Variants in PRKG1 observed in about 807,000 individuals in gnomAD.
PRKG1 encodes the protein cGMP-dependent protein kinase 1.
A neutral mutation model predicts 88.1 loss-of-function variants in PRKG1; 35 were observed. The observed-to-expected ratio is 0.40, with a 90% CI of 0.30 to 0.53. The LOEUF is 0.53. Ranked by LOEUF, PRKG1 falls within the 20% of genes least tolerant of loss-of-function variation. PRKG1 has a pLI of 0.59. For synonymous variants in PRKG1, 303 were observed against 292.5 expected, an observed-to-expected ratio of 1.04 and a Z score of -0.37; for missense variants, 540 against 839.8, an observed-to-expected ratio of 0.64 and a Z score of 4.41.
Position 51,838,068 on chromosome 10 carries a change from C to G in PRKG1, c.698+33378C>G, listed in dbSNP as rs1479443769. Among the ~76,000 whole-genome samples the G allele has an allele frequency of 9.9e-5, 15 of 152,034 alleles. 1 individual carries two copies. Among genetic ancestry groups the G allele is most frequent in the Admixed American group, 9.8e-4 (15 of 15,246 alleles). Reference sequence around the variant, plus strand: ...CTTAACTTGCAACTCTCTTTGTGATCCATATCAATACAATTCATTAAAAAA... The same window carrying G: ...CTTAACTTGCAACTCTCTTTGTGATGCATATCAATACAATTCATTAAAAAA... On this transcript the variant is annotated intron_variant, in intron 4 of 17. Transcript: ENST00000373980.
chr10:52,222,919 C>G (rs554514615), intron 9 of PRKG1, among the ~76,000 whole-genome samples: 53 of 152,252 alleles, frequency 3.5e-4, no homozygotes, highest in African/African-American at 1.3e-3. Flanking sequence ...ATAGGCTAAC[C>G]CAGTTTGTCA....
intron 1 of PRKG1, among the ~76,000 whole-genome samples, chr10:51,144,845 A>G (rs911642903): frequency 6.6e-6 from 1 of 152,182 alleles, no homozygotes; most frequent in Non-Finnish European, 1.5e-5. Context: ...AAGTGAATTG[A>G]GTAAAGTAGC....
chr10:51,760,434 C>A (rs1018021373), intron 3 of PRKG1, among the ~76,000 whole-genome samples: 1 of 151,762 alleles, frequency 6.6e-6, no homozygotes, highest in Non-Finnish European at 1.5e-5. Context: ...TTCCCTGTGA[C>A]CACTTATTCA....
intron 2 of PRKG1, among the ~76,000 whole-genome samples, chr10:51,170,122 A>G (rs1846663180): frequency 6.6e-6 from 1 of 151,990 alleles, no homozygotes; most frequent in South Asian, 2.1e-4. Context: ...CTATAAGCAC[A>G]CTGGTCAGAT....
At chr10:51,085,950 A>T (rs537665312) in intron 1 of PRKG1, among the ~76,000 whole-genome samples, 1 of 152,310 alleles carries the variant, frequency 6.6e-6, no homozygotes, top group Admixed American at 6.5e-5. Flanking sequence ...CTTCTTCAAA[A>T]TTTTACTTCG....
chr10:52,244,731 C>T (rs933561678), intron 9 of PRKG1, among the ~76,000 whole-genome samples: 1 of 77,676 alleles, frequency 1.3e-5, no homozygotes, highest in East Asian at 4.5e-4. Context: ...AAAATATATA[C>T]TTTAATATAT....
chr10:51,733,527 A>C (rs1837174498), intron 3 of PRKG1, among the ~76,000 whole-genome samples: 1 of 152,184 alleles, frequency 6.6e-6, no homozygotes, highest in Non-Finnish European at 1.5e-5. Context: ...TCTCTATATA[A>C]GATGGAGTTG....
At chr10:51,327,849 A>T (rs1395657216) in intron 2 of PRKG1, among the ~76,000 whole-genome samples, 1 of 152,222 alleles carries the variant, frequency 6.6e-6, no homozygotes, top group Non-Finnish European at 1.5e-5. Context: ...ACTGACCGAA[A>T]TATCATTATG....
chr10:51,352,057 T>C (rs1347916176), intron 2 of PRKG1, among the ~76,000 whole-genome samples: 4 of 152,146 alleles, frequency 2.6e-5, no homozygotes, highest in African/African-American at 9.7e-5. Context: ...TGGTTGTAGA[T>C]TTGTGCTATT....
At chr10:51,337,720 G>A (rs1841912279) in intron 2 of PRKG1, among the ~76,000 whole-genome samples, 1 of 152,170 alleles carries the variant, frequency 6.6e-6, no homozygotes, top group Non-Finnish European at 1.5e-5. Context: ...ATGCTGGTCA[G>A]AACAATGATT....
intron 3 of PRKG1, among the ~76,000 whole-genome samples, chr10:51,633,324 T>C (rs1317442848): frequency 1.3e-5 from 2 of 152,164 alleles, no homozygotes; most frequent in African/African-American, 2.4e-5. Context: ...CTGATGATGA[T>C]AGAAGACTTA....
chr10:51,359,828 A>G (rs1405114847), intron 2 of PRKG1, among the ~76,000 whole-genome samples: 3 of 151,952 alleles, frequency 2.0e-5, no homozygotes, highest in African/African-American at 7.2e-5. Context: ...ACTTTTGATG[A>G]TCAAAATAAT....
At chr10:51,454,677 T>G (rs895174013) in intron 2 of PRKG1, among the ~76,000 whole-genome samples, 1 of 152,116 alleles carries the variant, frequency 6.6e-6, no homozygotes, top group Non-Finnish European at 1.5e-5. Flanking sequence ...CAAGAGAAAC[T>G]GAGAGCCCAG....
intron 4 of PRKG1, among the ~76,000 whole-genome samples, chr10:51,888,313 G>C (rs912978955): frequency 6.6e-6 from 1 of 152,180 alleles, no homozygotes; most frequent in South Asian, 2.1e-4. Context: ...AAAAATCAAA[G>C]AGCATATTGG....
intron 3 of PRKG1, among the ~76,000 whole-genome samples, chr10:51,659,057 C>G (rs1010815995): frequency 5.9e-5 from 9 of 152,166 alleles, no homozygotes; most frequent in Admixed American, 2.6e-4. Context: ...ATGCAATTTG[C>G]CCACTTTGCA....
chr10:52,291,211 G>C (rs535274793), intron 17 of PRKG1, among the ~76,000 whole-genome samples: 3 of 151,466 alleles, frequency 2.0e-5, no homozygotes, highest in African/African-American at 7.3e-5. Context: ...CGTGAGCACC[G>C]CGCTGGGCCT....
chr10:51,007,340 C>T (rs1332916822), intron 1 of PRKG1, among the ~76,000 whole-genome samples: 1 of 152,210 alleles, frequency 6.6e-6, no homozygotes, highest in Non-Finnish European at 1.5e-5. Flanking sequence ...AATTGATTCT[C>T]TCCAGTTTCT....
At chr10:51,281,658 A>T (rs1031076117) in intron 2 of PRKG1, among the ~76,000 whole-genome samples, 2 of 152,096 alleles carry the variant, frequency 1.3e-5, no homozygotes, top group African/African-American at 4.8e-5. Flanking sequence ...GGCAGCAGAA[A>T]CCTCTGCAGA....
intron 7 of PRKG1, among the ~76,000 whole-genome samples, chr10:52,101,509 G>T (rs1847292703): frequency 6.6e-6 from 1 of 152,146 alleles, no homozygotes; most frequent in South Asian, 2.1e-4. Flanking sequence ...CAATGAAGAA[G>T]CAAAGGATCA....
Sources: gnomAD v4.1 joint callset for allele counts (sites outside exome capture counted in the v4.1 genomes callset) on GRCh38, gnomAD v4.1.1 for gene constraint, MANE v1.5 for transcripts, NCBI Gene and HGNC (gene_info 2026-07-23, HGNC 2026-07-21) for gene names.